The following EDIL3 variants were observed in gnomAD, a reference collection of about 807,000 sequenced individuals.
The protein encoded by EDIL3 is EGF like and discoidin domains 3.
In EDIL3, 37 loss-of-function variants were observed where a neutral mutation model predicts 67.4. That is an observed-to-expected ratio of 0.55 (90% CI 0.42 to 0.72). The LOEUF is 0.72. Among genes scored for constraint, EDIL3 ranks in the 30% least tolerant of loss-of-function variants. EDIL3 has a pLI of 0.00. For missense variants in EDIL3, 527 were observed against 586.3 expected, an observed-to-expected ratio of 0.90 and a Z score of 1.04; for synonymous variants, 195 against 196.3, an observed-to-expected ratio of 0.99 and a Z score of 0.05.
At chr5:84,319,957 C>T (rs1177339416) in intron 1 of EDIL3, among the ~76,000 whole-genome samples, 2 of 151,910 alleles carry the variant, frequency 1.3e-5, no homozygotes, top group African/African-American at 2.4e-5. Flanking sequence ...ATAATGAAAA[C>T]ACATGGACAC....
chr5:84,233,231 C>T (rs1020426446), intron 2 of EDIL3, among the ~76,000 whole-genome samples: 10 of 152,158 alleles, frequency 6.6e-5, no homozygotes, highest in Non-Finnish European at 1.5e-4. Context: ...TGTAATCCTC[C>T]TATCACCCAT....
At chr5:84,011,417 T>C (rs944478382) in intron 9 of EDIL3, among the ~76,000 whole-genome samples, 2 of 152,200 alleles carry the variant, frequency 1.3e-5, no homozygotes, top group Non-Finnish European at 2.9e-5. Context: ...AAATCCTTTC[T>C]TATTTTTCAC....
At chr5:84,157,563 T>C (rs1748515890) in intron 4 of EDIL3, among the ~76,000 whole-genome samples, 1 of 152,096 alleles carries the variant, frequency 6.6e-6, no homozygotes, top group Admixed American at 6.5e-5. Flanking sequence ...TCATTCTGCA[T>C]AGTCAACATA....
intron 1 of EDIL3, among the ~76,000 whole-genome samples, chr5:84,335,111 G>A (rs1022120133): frequency 2.6e-5 from 4 of 152,036 alleles, no homozygotes; most frequent in Non-Finnish European, 5.9e-5. Flanking sequence ...ACTTATTCCT[G>A]AAGTCACTTT....
intron 3 of EDIL3, among the ~76,000 whole-genome samples, chr5:84,226,011 T>C (rs891627729): frequency 6.6e-6 from 1 of 151,652 alleles, no homozygotes; most frequent in Non-Finnish European, 1.5e-5. Flanking sequence ...AGAAGTGGCT[T>C]ATCTCCAATT....
intron 9 of EDIL3, among the ~76,000 whole-genome samples, chr5:84,021,550 T>G (rs2112192444): frequency 1.3e-5 from 2 of 152,100 alleles, no homozygotes; most frequent in South Asian, 4.1e-4. Flanking sequence ...TTCATTCCAC[T>G]GTAGTTTGAG....
At chr5:84,268,927 G>C (rs2112093641) in intron 1 of EDIL3, among the ~76,000 whole-genome samples, 1 of 152,076 alleles carries the variant, frequency 6.6e-6, no homozygotes, top group Middle Eastern at 3.4e-3. Flanking sequence ...ACAAATCTTT[G>C]TCCGTTTAGC....
chr5:84,088,200 C>G (rs529964859), intron 6 of EDIL3, among the ~76,000 whole-genome samples: 51 of 152,264 alleles, frequency 3.3e-4, no homozygotes, highest in African/African-American at 1.2e-3. Flanking sequence ...AGTAGCTGCT[C>G]AACAAATATT....
intron 9 of EDIL3, among the ~76,000 whole-genome samples, chr5:84,007,347 T>C (rs547265533): frequency 6.6e-6 from 1 of 151,984 alleles, no homozygotes; most frequent in Non-Finnish European, 1.5e-5. Flanking sequence ...ACCCACAGAA[T>C]GGGGAAAAAA....
intron 7 of EDIL3, among the ~76,000 whole-genome samples, chr5:84,065,136 T>G (rs1746615245): frequency 6.6e-6 from 1 of 152,174 alleles, no homozygotes; most frequent in Non-Finnish European, 1.5e-5. Flanking sequence ...GCTCTTCTCT[T>G]TTTTTGAGAA....
At chr5:84,108,668 C>A (rs1454481794) in intron 5 of EDIL3, among the ~76,000 whole-genome samples, 3 of 152,140 alleles carry the variant, frequency 2.0e-5, no homozygotes, top group Non-Finnish European at 4.4e-5. Context: ...TACTAAGAAA[C>A]TTTCATGATG....
intron 1 of EDIL3, among the ~76,000 whole-genome samples, chr5:84,350,900 A>G (rs1413362939): frequency 1.3e-5 from 2 of 152,162 alleles, no homozygotes; most frequent in African/African-American, 2.4e-5. Context: ...TAATTAAGTT[A>G]TTTAAATAAA....
intron 2 of EDIL3, among the ~76,000 whole-genome samples, chr5:84,247,147 TTA>T (rs1272639663): frequency 2.6e-5 from 4 of 152,122 alleles, no homozygotes; most frequent in Non-Finnish European, 5.9e-5. Context: ...ATAGCTCTCA[TTA>T]TGGTAACTTC....
chr5:83,969,789 T>C (rs967329474), intron 9 of EDIL3, among the ~76,000 whole-genome samples: 1 of 151,894 alleles, frequency 6.6e-6, no homozygotes, highest in Admixed American at 6.6e-5. Flanking sequence ...TACATAATAA[T>C]TGTACATATT....
intron 1 of EDIL3, among the ~76,000 whole-genome samples, chr5:84,312,192 C>A: frequency 6.9e-6 from 1 of 145,038 alleles, no homozygotes; most frequent in Admixed American, 6.8e-5. Flanking sequence ...CGGGGGCTGA[C>A]CCCCCCACCT....
At chr5:84,011,031 G>A (rs917527849) in intron 9 of EDIL3, among the ~76,000 whole-genome samples, 6 of 152,150 alleles carry the variant, frequency 3.9e-5, no homozygotes, top group African/African-American at 7.2e-5. Context: ...ACATCTCAGC[G>A]TGTAAGGTAC....
At chr5:84,027,330 G>T (rs1034926172) in intron 9 of EDIL3, among the ~76,000 whole-genome samples, 6 of 152,282 alleles carry the variant, frequency 3.9e-5, no homozygotes, top group Middle Eastern at 3.4e-3. Flanking sequence ...AGAATCTGTG[G>T]TGCATCACAA....
At position 84,277,094 on chromosome 5, in the gene EDIL3, T is replaced by C. The variant is rs979970319; in HGVS notation, c.68-22882A>G. Among the ~76,000 whole-genome samples the C allele has an allele frequency of 2.0e-5, 3 of 152,326 alleles. No homozygotes were observed. In the East Asian group the frequency reaches 5.8e-4, roughly 29 times the overall value. ...TACATAAAGTAAACCATTTTAAAAG[T>C]TAAAAAGCTGATGTCACCTTTTGCT... is the stretch of plus-strand genomic sequence containing the variant. On this transcript the variant is annotated intron_variant, in intron 1 of 10. Coordinates refer to ENST00000296591, the MANE Select transcript of EDIL3 (RefSeq NM_005711.5).
intron 6 of EDIL3, 78 bp downstream of exon 6, chr5:84,106,571 T>C: frequency 6.8e-7 from 1 of 1,462,350 alleles, no homozygotes; most frequent in African/African-American, 1.4e-5. Context: ...CTGAGTTCCC[T>C]TTTGTCTGCT....
Sources: gnomAD v4.1 joint callset for allele counts (sites outside exome capture counted in the v4.1 genomes callset) on GRCh38, gnomAD v4.1.1 for gene constraint, MANE v1.5 for transcripts, NCBI Gene and HGNC (gene_info 2026-07-23, HGNC 2026-07-21) for gene names.